Variants in ANO3 observed in about 807,000 individuals in gnomAD.
ANO3 encodes anoctamin 3, also known as anoctamin-3.
In ANO3, 99 loss-of-function variants were observed where a neutral mutation model predicts 144.8. The observed-to-expected ratio is 0.68, with a 90% CI of 0.58 to 0.81. The LOEUF (loss-of-function observed/expected upper bound fraction) is 0.81. Among genes scored for constraint, ANO3 ranks in the 30% least tolerant of loss-of-function variants. ANO3 has a pLI of 0.00. For missense variants in ANO3, 905 were observed against 1,202.2 expected, an observed-to-expected ratio of 0.75 and a Z score of 3.66; for synonymous variants, 414 against 392.6, an observed-to-expected ratio of 1.05 and a Z score of -0.64.
intron 1 of ANO3, among the ~76,000 whole-genome samples, chr11:26,260,176 T>G (rs1214875658): frequency 2.0e-5 from 3 of 152,130 alleles, no homozygotes; most frequent in African/African-American, 7.2e-5. Context: ...CTTTATCTCT[T>G]GATAAGGAAG....
intron 1 of ANO3, among the ~76,000 whole-genome samples, chr11:26,323,072 C>T (rs1854799117): frequency 6.6e-6 from 1 of 151,336 alleles, no homozygotes; most frequent in African/African-American, 2.4e-5. Context: ...TTTCTGTGAC[C>T]CCTTTGACTG....
At chr11:26,304,133 G>C (rs36054294) in intron 1 of ANO3, among the ~76,000 whole-genome samples, 3 of 151,786 alleles carry the variant, frequency 2.0e-5, no homozygotes, top group African/African-American at 7.3e-5. Flanking sequence ...CATTTTCTTC[G>C]ATTACTACTA....
Position 26,436,165 on chromosome 11 carries a change from C to T in ANO3, c.47-5753C>T, listed in dbSNP as rs11607025. On this transcript the variant is annotated intron_variant, in intron 1 of 26. Coordinates refer to ENST00000256737, the MANE Select transcript of ANO3 (RefSeq NM_031418.4). ...GTTGAGAACAGTCTGACCACTTTTC[C>T]AGTAGATGGGTGCTCTGTGCTGAGG... 1.0e-3 allele frequency among the ~76,000 whole-genome samples: 156 copies of T among 152,298 alleles called. No individual in the cohort carries two copies. The South Asian group carries it at 0.017, about 17-fold the overall frequency.
At chr11:26,235,184 T>C (rs114893958) in intron 1 of ANO3, among the ~76,000 whole-genome samples, 1,665 of 152,308 alleles carry the variant, frequency 0.011, 31 homozygotes, top group African/African-American at 0.038. Context: ...CCCTCACAGA[T>C]AAATCCAGTA....
intron 17 of ANO3, among the ~76,000 whole-genome samples, chr11:26,604,067 A>G (rs1445612987): frequency 6.6e-6 from 1 of 150,720 alleles, no homozygotes; most frequent in Non-Finnish European, 1.5e-5. Context: ...TCTAATTATA[A>G]TTTTGTACCC....
chr11:26,525,793 G>C, intron 7 of ANO3, 114 bp downstream of exon 7: 5 of 742,066 alleles, frequency 6.7e-6, no homozygotes, highest in Non-Finnish European at 1.1e-5. Flanking sequence ...AAATTCTATT[G>C]ATTTGTCGAA....
intron 1 of ANO3, among the ~76,000 whole-genome samples, chr11:26,320,520 G>T (rs964588960): frequency 6.6e-6 from 1 of 151,994 alleles, no homozygotes; most frequent in Admixed American, 6.6e-5. Flanking sequence ...CTAGATCTTC[G>T]TTTACTTTTT....
At chr11:26,447,702 A>G (rs1044102127) in intron 3 of ANO3, among the ~76,000 whole-genome samples, 1 of 152,028 alleles carries the variant, frequency 6.6e-6, no homozygotes, top group African/African-American at 2.4e-5. Context: ...TTTTTTATTG[A>G]CATCACATAA....
At chr11:26,504,649 G>A (rs187734498) in intron 4 of ANO3, among the ~76,000 whole-genome samples, 176 of 152,264 alleles carry the variant, frequency 1.2e-3, no homozygotes, top group African/African-American at 4.1e-3. Flanking sequence ...TAGAGGAGAG[G>A]AGTTACATTA....
At chr11:26,440,836 T>C (rs762477290) in intron 1 of ANO3, among the ~76,000 whole-genome samples, 2 of 151,962 alleles carry the variant, frequency 1.3e-5, no homozygotes, top group Non-Finnish European at 2.9e-5. Flanking sequence ...GAGTGGGAGA[T>C]GTTGGAAATG....
intron 1 of ANO3, among the ~76,000 whole-genome samples, chr11:26,416,570 G>T (rs1045135843): frequency 6.6e-6 from 1 of 151,926 alleles, no homozygotes; most frequent in Non-Finnish European, 1.5e-5. Context: ...GGGACTACAG[G>T]TGTGCTCCAC....
chr11:26,532,131 G>C (rs1025466132), intron 8 of ANO3, among the ~76,000 whole-genome samples: 3 of 152,198 alleles, frequency 2.0e-5, no homozygotes, highest in Non-Finnish European at 2.9e-5. Context: ...GGATGAAACA[G>C]ATTTCCAGAC....
At chr11:26,425,216 CAAAT>C (rs945554077) in intron 1 of ANO3, among the ~76,000 whole-genome samples, 8 of 151,926 alleles carry the variant, frequency 5.3e-5, no homozygotes, top group African/African-American at 1.5e-4. Context: ...TAAAAATAAA[CAAAT>C]AAATAAATAT....
At chr11:26,299,711 T>G (rs2133861492) in intron 1 of ANO3, among the ~76,000 whole-genome samples, 1 of 152,058 alleles carries the variant, frequency 6.6e-6, no homozygotes. Context: ...GGAGAGAGCA[T>G]GTATGGGAAA....
chr11:26,259,868 G>A (rs1400943665), intron 1 of ANO3, among the ~76,000 whole-genome samples: 1 of 151,684 alleles, frequency 6.6e-6, no homozygotes, highest in Non-Finnish European at 1.5e-5. Context: ...TACAAAGCAA[G>A]ACCAACTCCA....
intron 5 of ANO3, among the ~76,000 whole-genome samples, chr11:26,509,276 T>TA (rs1861558594): frequency 6.6e-6 from 1 of 152,080 alleles, no homozygotes; most frequent in Admixed American, 6.5e-5. Flanking sequence ...GAAAATCAAT[T>TA]AACTAACTAT....
At chr11:26,305,408 G>A (rs1270441779), upstream of ANO3, among the ~76,000 whole-genome samples, 1 of 151,594 alleles carries the variant, frequency 6.6e-6, no homozygotes, top group Non-Finnish European at 1.5e-5. Flanking sequence ...GATGATATTG[G>A]CACCCAGATC....
chr11:26,567,256 TCC>T (rs1590554211), intron 14 of ANO3: 32 of 623,454 alleles, frequency 5.1e-5, no homozygotes, highest in African/African-American at 1.5e-4. Context: ...GACTTTTTTT[TCC>T]TCAAGCAATA....
At position 26,516,826 on chromosome 11, in the gene ANO3, G is replaced by A; in HGVS notation, c.592-1G>A. ...GTTGCCTATCTTACTATCATTTGCA[G>A]CCAGCTATTGCAAGCCCCGATATCA... is the stretch of plus-strand genomic sequence containing the variant. On this transcript the variant is annotated splice_acceptor_variant, in intron 5 of 26. Coordinates refer to ENST00000256737, the MANE Select transcript of ANO3 (RefSeq NM_031418.4). LOFTEE classifies it high-confidence loss of function. 1 of 1,604,662 alleles carries A rather than the reference G, an allele frequency of 6.2e-7. No individual in the cohort carries two copies. The highest frequency in any genetic ancestry group is 1.1e-5 in the South Asian group (1 of 90,388).
Sources: gnomAD v4.1 joint callset for allele counts (sites outside exome capture counted in the v4.1 genomes callset) on GRCh38, gnomAD v4.1.1 for gene constraint, MANE v1.5 for transcripts, NCBI Gene and HGNC (gene_info 2026-07-23, HGNC 2026-07-21) for gene names.